MAP2: variants seen among roughly 807,000 people sequenced by gnomAD.
MAP2 encodes microtubule-associated protein 2.
MAP2 carries 14 observed loss-of-function variants against 137.6 expected under a neutral mutation model. The ratio of observed to expected loss-of-function variants is 0.10; its 90% CI spans 0.07 to 0.16. MAP2 has a LOEUF of 0.16. Ranked by LOEUF, MAP2 falls within the 10% of genes least tolerant of loss-of-function variation. The probability of loss-of-function intolerance (pLI) is 1.00; values close to 1 mark genes in which losing one functional copy is unlikely to be tolerated. For synonymous variants in MAP2, 786 were observed against 782.3 expected (o/e 1.00, Z -0.08); for missense variants, 2,088 against 2,191.5 (o/e 0.95, Z 0.94).
intron 1 of MAP2, among the ~76,000 whole-genome samples, chr2:209,501,076 A>G (rs1228363947): frequency 6.6e-6 from 1 of 151,676 alleles, no homozygotes; most frequent in Non-Finnish European, 1.5e-5. Context: ...CCTTAAAAAT[A>G]TGAGAATTAC....
chr2:209,616,210 C>T (rs1195986142), intron 3 of MAP2, among the ~76,000 whole-genome samples: 3 of 152,202 alleles, frequency 2.0e-5, no homozygotes, highest in Admixed American at 6.5e-5. Context: ...ACAAGCATGG[C>T]CTAGTGAGGC....
intron 2 of MAP2, among the ~76,000 whole-genome samples, chr2:209,547,027 A>C (rs994804376): frequency 6.6e-6 from 1 of 152,228 alleles, no homozygotes; most frequent in Non-Finnish European, 1.5e-5. Context: ...TTGGAAAGAA[A>C]ATAGAATTCT....
At chr2:209,497,332 G>T (rs551873046) in intron 1 of MAP2, among the ~76,000 whole-genome samples, 1 of 152,156 alleles carries the variant, frequency 6.6e-6, no homozygotes, top group Non-Finnish European at 1.5e-5. Context: ...TCCGCCATGT[G>T]AGGATATAGT....
chr2:209,546,129 T>C (rs1210022005), intron 2 of MAP2, among the ~76,000 whole-genome samples: 2 of 152,014 alleles, frequency 1.3e-5, no homozygotes, highest in African/African-American at 2.4e-5. Flanking sequence ...GGCAACAGCG[T>C]GAGACTCCGT....
At chr2:209,623,789 G>A (rs1020394014) in intron 3 of MAP2, among the ~76,000 whole-genome samples, 56 of 152,122 alleles carry the variant, frequency 3.7e-4, no homozygotes, top group African/African-American at 1.3e-3. Context: ...GATTTGGACG[G>A]TCAGACCTTT....
At position 209,677,399 on chromosome 2, in the gene MAP2, TAGATAGACAGAC is replaced by T. The variant is rs1165264432; in HGVS notation, c.263-1169_263-1158del. On this transcript the variant is annotated intron_variant, in intron 5 of 15. Transcript: ENST00000682079. Reference sequence around the variant, plus strand: ...ATAGATGATAGATTAGATAGATAGATAGATAGACAGACAGACAGACAGACAGACAGACAGACA... The same window carrying T: ...ATAGATGATAGATTAGATAGATAGATAGACAGACAGACAGACAGACAGACA... 1.4e-3 allele frequency among the ~76,000 whole-genome samples: 195 copies of T among 137,476 alleles called. 5 individuals are homozygous for T. The East Asian group carries it at 0.034, about 24-fold the overall frequency. 90.2% of individuals were successfully genotyped at this position (137,476 alleles called of 152,430 possible). A position where few individuals can be genotyped will look rare whatever the true frequency, so the allele number is the denominator to read the frequency against.
chr2:209,438,359 G>A (rs563219427), intron 1 of MAP2, among the ~76,000 whole-genome samples: 1 of 151,394 alleles, frequency 6.6e-6, no homozygotes, highest in African/African-American at 2.4e-5. Context: ...TATTATGCAG[G>A]GTTATTTTTT....
chr2:209,699,991 G>A (rs964841506), intron 10 of MAP2, among the ~76,000 whole-genome samples: 1 of 152,136 alleles, frequency 6.6e-6, no homozygotes, highest in African/African-American at 2.4e-5. Flanking sequence ...TTACGTACTA[G>A]TGATTCAAAG....
chr2:209,706,707 C>T (rs1184512525), intron 12 of MAP2, among the ~76,000 whole-genome samples: 1 of 152,036 alleles, frequency 6.6e-6, no homozygotes, highest in Non-Finnish European at 1.5e-5. Context: ...GTATCTGTGT[C>T]ATTTAAGAAC....
chr2:209,728,767 T>C (rs1388030975), intron 14 of MAP2, among the ~76,000 whole-genome samples: 1 of 152,250 alleles, frequency 6.6e-6, no homozygotes, highest in East Asian at 1.9e-4. Flanking sequence ...AGATGCACTT[T>C]ATGTACTCAA....
chr2:209,678,942 T>C (rs1161533536), intron 6 of MAP2, among the ~76,000 whole-genome samples: 1 of 152,070 alleles, frequency 6.6e-6, no homozygotes, highest in East Asian at 1.9e-4. Flanking sequence ...ATTTTTTCAT[T>C]TTCCAGACCA....
Position 209,694,413 on chromosome 2 carries a change from C to T in MAP2, c.2243C>T (p.Ala748Val). 6.2e-7 allele frequency: 1 copy of T among 1,614,030 alleles called. No homozygotes were observed. Among genetic ancestry groups the T allele is most frequent in the South Asian group, 1.1e-5 (1 of 91,074 alleles). The change falls in exon 8 of 16, where the codon GCC (alanine) becomes GTC (valine). Residue 748 changes from alanine (A) to valine (V), a missense_variant. Physicochemically the swap from Ala to Val is moderately conservative, Grantham distance 64. This residue lies in a region of MAP2 where 500 missense variants were observed against 482.9 expected (regional missense o/e 1.04). Coordinates refer to ENST00000682079, the MANE Select transcript of MAP2 (RefSeq NM_001375505.1). ...SMDEGDDYLP[A>V]TTPALEKAPC... is the part of the protein sequence containing the mutation. Reference sequence around the variant, plus strand: ...GATGAAGGGGATGATTACCTTCCAGCCACCACACCTGCACTGGAGAAAGCC... The same window carrying T: ...GATGAAGGGGATGATTACCTTCCAGTCACCACACCTGCACTGGAGAAAGCC...
At chr2:209,465,318 A>G (rs1372117250) in intron 1 of MAP2, among the ~76,000 whole-genome samples, 6 of 152,170 alleles carry the variant, frequency 3.9e-5, no homozygotes, top group African/African-American at 9.6e-5. Flanking sequence ...CACATTCAAA[A>G]TAGAATAAAA....
intron 5 of MAP2, among the ~76,000 whole-genome samples, chr2:209,663,639 AATAG>A (rs1175440584): frequency 2.6e-5 from 4 of 152,224 alleles, no homozygotes; most frequent in Admixed American, 1.3e-4. Context: ...ATTAGGCAAA[AATAG>A]ATAAGAAAGG....
intron 5 of MAP2, among the ~76,000 whole-genome samples, chr2:209,654,147 G>C (rs2153612885): frequency 6.6e-6 from 1 of 152,260 alleles, no homozygotes; most frequent in South Asian, 2.1e-4. Flanking sequence ...AAATTCACAA[G>C]AATACAACAA....
Position 209,521,561 on chromosome 2 carries a change from A to C in MAP2, c.-172+13920A>C, listed in dbSNP as rs1039189523. ...CTTGTAAACTCTTTAATCTTATTTA[A>C]AAAAAAAAAATTTTTTAGGTTGTTA... On this transcript the variant is annotated intron_variant, in intron 2 of 15. Transcript: ENST00000682079. Among the ~76,000 whole-genome samples, 8 of 146,028 alleles carry C rather than the reference A, an allele frequency of 5.5e-5. No individual in the cohort carries two copies. The South Asian group carries it at 6.4e-4, about 12-fold the overall frequency.
chr2:209,680,239 A>G (rs1429486126), intron 6 of MAP2, among the ~76,000 whole-genome samples: 3 of 152,118 alleles, frequency 2.0e-5, no homozygotes, highest in East Asian at 1.9e-4. Flanking sequence ...TTGAAATTAG[A>G]CTCAGTGAAC....
intron 3 of MAP2, among the ~76,000 whole-genome samples, chr2:209,594,705 C>T (rs1215531458): frequency 1.3e-5 from 2 of 152,124 alleles, no homozygotes; most frequent in Non-Finnish European, 2.9e-5. Context: ...TTCATAATAA[C>T]AGTATATGTT....
At chr2:209,513,593 T>C (rs953409701) in intron 2 of MAP2, among the ~76,000 whole-genome samples, 12 of 152,124 alleles carry the variant, frequency 7.9e-5, no homozygotes, top group Admixed American at 5.9e-4. Context: ...CATTAATCAC[T>C]GTATCCTCTC....
Sources: gnomAD v4.1 joint callset for allele counts (sites outside exome capture counted in the v4.1 genomes callset) on GRCh38, gnomAD v4.1.1 for gene constraint, gnomAD v4.1.1 regional missense constraint, MANE v1.5 for transcripts, NCBI Gene and HGNC (gene_info 2026-07-23, HGNC 2026-07-21) for gene names.